The following TOX3 variants were observed in gnomAD, a reference collection of about 807,000 sequenced individuals.
The protein encoded by TOX3 is TOX high mobility group box family member 3, also known as CAG trinucleotide repeat-containing gene F9 protein.
TOX3 carries 22 observed loss-of-function variants against 64.3 expected under a neutral mutation model. That is an observed-to-expected ratio of 0.34 (90% confidence interval 0.24 to 0.49). TOX3 has a LOEUF of 0.49. Ranked by LOEUF, TOX3 falls within the 20% of genes least tolerant of loss-of-function variation. The pLI is 0.99. For synonymous variants in TOX3, 291 were observed against 273.6 expected (o/e 1.06, Z -0.63); for missense variants, 661 against 714.4 (o/e 0.93, Z 0.85).
At chr16:52,503,426 A>G (rs2151466028) in intron 1 of TOX3, among the ~76,000 whole-genome samples, 1 of 152,348 alleles carries the variant, frequency 6.6e-6, no homozygotes, top group Admixed American at 6.5e-5. Context: ...ATAACCCTGT[A>G]CCTACCTTAT....
intron 1 of TOX3, among the ~76,000 whole-genome samples, chr16:52,502,807 T>C (rs1266505086): frequency 6.6e-6 from 1 of 152,228 alleles, no homozygotes; most frequent in Non-Finnish European, 1.5e-5. Context: ...GCATTAAGTA[T>C]AGCATTGGTT....
At position 52,440,755 on chromosome 16, in the gene TOX3, T is replaced by C. The variant is rs1181692899; in HGVS notation, c.988-787A>G. On this transcript the variant is annotated intron_variant, in intron 6 of 6. Coordinates refer to ENST00000219746, the MANE Select transcript of TOX3 (RefSeq NM_001080430.4). Reference sequence around the variant, plus strand: ...TATATGGTATTTTTCTTTCTTTCTTTTTTTTTTTTTTTTTTTTTTTTTTGA... The same window carrying C: ...TATATGGTATTTTTCTTTCTTTCTTCTTTTTTTTTTTTTTTTTTTTTTTGA... Among the ~76,000 whole-genome samples, 7 of 115,446 alleles carry C rather than the reference T, an allele frequency of 6.1e-5. 1 individual carries two copies. In the East Asian group the frequency reaches 9.6e-4, roughly 16 times the overall value. The allele number at this position is 115,446 out of a possible 152,430, so 75.7% of individuals were successfully genotyped here.
intron 6 of TOX3, 91 bp from the exon 7 acceptor site, chr16:52,440,059 T>C: frequency 9.2e-7 from 1 of 1,086,856 alleles, no homozygotes. Context: ...TTGATTTTTT[T>C]TAACGGCCAC....
chr16:52,536,785 A>G (rs1596868560), intron 1 of TOX3, among the ~76,000 whole-genome samples: 1 of 149,536 alleles, frequency 6.7e-6, no homozygotes, highest in African/African-American at 2.5e-5. Context: ...AACTCTTGAC[A>G]TTTTTAAGAG....
At chr16:52,538,744 G>A (rs986748562) in intron 1 of TOX3, among the ~76,000 whole-genome samples, 3 of 152,120 alleles carry the variant, frequency 2.0e-5, no homozygotes, top group African/African-American at 7.2e-5. Context: ...AAGATAGAAT[G>A]TTAATCATAC....
rs1307691379 is a variant in TOX3, at chr16:52,459,589, T to TC, written c.408+4344dup. On this transcript the variant is annotated intron_variant, in intron 3 of 6. Coordinates refer to ENST00000219746, the MANE Select transcript of TOX3 (RefSeq NM_001080430.4). Reference sequence around the variant, plus strand: ...TTCAATTTGTATGAGAAATTGCTTGTCCCCCCATGGCTAAATAGTCATCAT... The same window carrying TC: ...TTCAATTTGTATGAGAAATTGCTTGTCCCCCCCATGGCTAAATAGTCATCAT... 5.9e-5 allele frequency among the ~76,000 whole-genome samples: 9 copies of TC among 152,200 alleles called. No individual in the cohort carries two copies. The South Asian group carries it at 1.2e-3, about 21-fold the overall frequency.
At chr16:52,507,167 G>A (rs911361240) in intron 1 of TOX3, among the ~76,000 whole-genome samples, 49 of 152,306 alleles carry the variant, frequency 3.2e-4, no homozygotes, top group African/African-American at 1.1e-3. Context: ...ATTAACAATT[G>A]ATTCAAAGAA....
chr16:52,485,916 G>T (rs941038582), intron 1 of TOX3, among the ~76,000 whole-genome samples: 1 of 152,116 alleles, frequency 6.6e-6, no homozygotes, highest in Non-Finnish European at 1.5e-5. Context: ...CTAGGTTTGG[G>T]GCTGGCATAA....
chr16:52,467,259 A>G (rs895085357), intron 2 of TOX3, among the ~76,000 whole-genome samples: 4 of 151,600 alleles, frequency 2.6e-5, no homozygotes, highest in South Asian at 2.1e-4. Flanking sequence ...AAATGTAGGG[A>G]AAAAAAAATC....
chr16:52,446,662 G>A (rs1462045584), intron 4 of TOX3, among the ~76,000 whole-genome samples: 2 of 142,742 alleles, frequency 1.4e-5, no homozygotes, highest in Admixed American at 7.2e-5. Flanking sequence ...TGCCATATGT[G>A]TGATCTGTCT....
At chr16:52,515,195 A>AG (rs202184946) in intron 1 of TOX3, among the ~76,000 whole-genome samples, 1,839 of 150,766 alleles carry the variant, frequency 0.012, 36 homozygotes, top group African/African-American at 0.042. Flanking sequence ...TAAAAAAAAA[A>AG]AAAGAAAAAG....
chr16:52,522,417 A>G (rs1962631082), intron 1 of TOX3, among the ~76,000 whole-genome samples: 1 of 152,172 alleles, frequency 6.6e-6, no homozygotes, highest in African/African-American at 2.4e-5. Flanking sequence ...CTCAGACAAC[A>G]CTACTCTAGG....
intron 1 of TOX3, among the ~76,000 whole-genome samples, chr16:52,517,259 C>CA (rs1962483788): frequency 1.3e-5 from 2 of 152,178 alleles, no homozygotes; most frequent in Admixed American, 6.5e-5. Context: ...TACCACCACT[C>CA]AAAGATTCCC....
chr16:52,490,378 A>G (rs557891623), intron 1 of TOX3, among the ~76,000 whole-genome samples: 2 of 152,224 alleles, frequency 1.3e-5, no homozygotes, highest in East Asian at 3.9e-4. Context: ...ACCCAGCCTC[A>G]TGTAGTTCTT....
intron 1 of TOX3, among the ~76,000 whole-genome samples, chr16:52,487,223 T>C (rs1961556112): frequency 6.6e-6 from 1 of 151,202 alleles, no homozygotes. Flanking sequence ...TGGCTTCTGG[T>C]AGTGACCATG....
intron 3 of TOX3, among the ~76,000 whole-genome samples, chr16:52,456,550 C>T (rs913086345): frequency 2.6e-5 from 4 of 152,180 alleles, no homozygotes. Context: ...CCTCTCTCTC[C>T]ACCTGATGAA....
At chr16:52,478,496 T>C (rs567306727) in intron 1 of TOX3, among the ~76,000 whole-genome samples, 4 of 152,364 alleles carry the variant, frequency 2.6e-5, no homozygotes, top group South Asian at 4.1e-4. Context: ...TCATCAGAGA[T>C]ACAAAGTCAC....
At chr16:52,495,608 C>A (rs938977344) in intron 1 of TOX3, among the ~76,000 whole-genome samples, 4 of 152,182 alleles carry the variant, frequency 2.6e-5, no homozygotes, top group Non-Finnish European at 4.4e-5. Context: ...AGCACATGCA[C>A]ATGTGGTGTA....
At chr16:52,493,264 C>T (rs1961746350) in intron 1 of TOX3, among the ~76,000 whole-genome samples, 1 of 152,142 alleles carries the variant, frequency 6.6e-6, no homozygotes. Context: ...CTTGGACACG[C>T]ATATACCTAT....
Sources: gnomAD v4.1 joint callset for allele counts (sites outside exome capture counted in the v4.1 genomes callset) on GRCh38, gnomAD v4.1.1 for gene constraint, MANE v1.5 for transcripts, NCBI Gene and HGNC (gene_info 2026-07-23, HGNC 2026-07-21) for gene names.